STPG2: variants seen among roughly 807,000 people sequenced by gnomAD.
The protein encoded by STPG2 is sperm-tail PG-rich repeat-containing protein 2.
Under a neutral mutation model 54.2 loss-of-function variants are expected in STPG2, and 56 were observed. That is an observed-to-expected ratio of 1.03 (90% CI 0.83 to 1.29). The LOEUF (loss-of-function observed/expected upper bound fraction) is 1.29, where lower values mean the gene tolerates loss of function less well. Ranked by LOEUF, STPG2 falls within the 50% of genes most tolerant of loss-of-function variation. The probability of loss-of-function intolerance (pLI) is 0.00; values close to 1 mark genes in which losing one functional copy is unlikely to be tolerated. For missense variants in STPG2, 596 were observed against 544.9 expected, an observed-to-expected ratio of 1.09 and a Z score of -0.93; for synonymous variants, 200 against 181.8, an observed-to-expected ratio of 1.10 and a Z score of -0.81.
chr4:97,811,509 A>C (rs1230938968), intron 9 of STPG2, among the ~76,000 whole-genome samples: 1 of 151,784 alleles, frequency 6.6e-6, no homozygotes, highest in Admixed American at 6.6e-5. Context: ...CATTTCTAAA[A>C]AATACAGTAT....
chr4:98,053,539 A>T (rs35160902), intron 5 of STPG2, among the ~76,000 whole-genome samples: 59,522 of 151,576 alleles, frequency 0.39, 11,841 homozygotes, highest in Middle Eastern at 0.46. Context: ...CAAATAACAA[A>T]AAAAAAATCT....
intron 9 of STPG2, among the ~76,000 whole-genome samples, chr4:97,713,082 A>C (rs1221137165): frequency 6.6e-6 from 1 of 152,218 alleles, no homozygotes; most frequent in African/African-American, 2.4e-5. Context: ...ATATACTTTT[A>C]TATCATGAAT....
At chr4:97,721,636 C>T (rs567295559) in intron 9 of STPG2, among the ~76,000 whole-genome samples, 35 of 151,732 alleles carry the variant, frequency 2.3e-4, no homozygotes, top group African/African-American at 8.0e-4. Flanking sequence ...ATATGATGAC[C>T]GAAAGCTTAG....
At chr4:97,739,084 G>C (rs1725126060) in intron 9 of STPG2, among the ~76,000 whole-genome samples, 1 of 151,988 alleles carries the variant, frequency 6.6e-6, no homozygotes, top group Non-Finnish European at 1.5e-5. Flanking sequence ...CAACTACATG[G>C]AAACTGAACA....
intron 4 of STPG2, among the ~76,000 whole-genome samples, chr4:97,450,571 G>A (rs893308213): frequency 1.3e-5 from 2 of 152,144 alleles, no homozygotes; most frequent in Non-Finnish European, 2.9e-5. Flanking sequence ...ATCAGGCAAC[G>A]GTGGGGAATA....
chr4:97,667,079 G>T (rs180675347), intron 10 of STPG2, among the ~76,000 whole-genome samples: 2 of 152,164 alleles, frequency 1.3e-5, no homozygotes, highest in Non-Finnish European at 2.9e-5. Context: ...CACTTTGGTG[G>T]TGGTAGTTGT....
At chr4:98,106,623 C>G (rs1207711291) in intron 4 of STPG2, among the ~76,000 whole-genome samples, 1 of 152,128 alleles carries the variant, frequency 6.6e-6, no homozygotes, top group East Asian at 1.9e-4. Flanking sequence ...CCTACTGCTA[C>G]CTATTGGTTA....
intron 5 of STPG2, among the ~76,000 whole-genome samples, chr4:98,032,221 C>T (rs1193069933): frequency 1.3e-5 from 2 of 152,040 alleles, no homozygotes; most frequent in East Asian, 1.9e-4. Flanking sequence ...TTGGTATCTA[C>T]CCAGAGGAAA....
At chr4:97,580,817 T>G (rs1332311975) in intron 10 of STPG2, among the ~76,000 whole-genome samples, 1 of 152,058 alleles carries the variant, frequency 6.6e-6, no homozygotes, top group African/African-American at 2.4e-5. Context: ...ATGAAGAGTC[T>G]GATTCATTAT....
At chr4:97,578,601 T>C (rs1732783320) in intron 10 of STPG2, among the ~76,000 whole-genome samples, 1 of 151,902 alleles carries the variant, frequency 6.6e-6, no homozygotes, top group African/African-American at 2.4e-5. Flanking sequence ...CCCACACTTT[T>C]TTTTTTTTTT....
intron 9 of STPG2, among the ~76,000 whole-genome samples, chr4:97,795,547 A>G (rs549645112): frequency 6.6e-6 from 1 of 152,326 alleles, no homozygotes; most frequent in South Asian, 2.1e-4. Flanking sequence ...ATGGCAGCAT[A>G]GTATTCCATG....
intron 4 of STPG2, among the ~76,000 whole-genome samples, chr4:97,536,543 T>C (rs190844579): frequency 1.3e-4 from 20 of 152,316 alleles, no homozygotes; most frequent in African/African-American, 4.8e-4. Context: ...ACCTATTTCC[T>C]TTATGAATTA....
At position 97,585,441 on chromosome 4, in the gene STPG2, A is replaced by G. The variant is rs1449408670; in HGVS notation, c.1321-26324T>C. ...CATTAGCAAGAAAAATCTAACCACAACAAGAAGCCCAACACAGAAGCCTCT... is the reference window on the plus strand; with the variant it reads ...CATTAGCAAGAAAAATCTAACCACAGCAAGAAGCCCAACACAGAAGCCTCT... On this transcript the variant is annotated intron_variant, in intron 10 of 10. Transcript: ENST00000295268. Among the ~76,000 whole-genome samples the G allele has an allele frequency of 2.0e-5, 3 of 151,874 alleles. No individual in the cohort carries two copies. In the East Asian group the frequency reaches 5.8e-4, roughly 29 times the overall value.
Position 97,868,844 on chromosome 4 carries a change from GATAA to G in STPG2, c.1045-27916_1045-27913del, listed in dbSNP as rs910819719. 3.6e-4 allele frequency among the ~76,000 whole-genome samples: 55 copies of G among 151,878 alleles called. 1 individual carries two copies. The highest frequency in any genetic ancestry group is 1.3e-3 in the African/African-American group (53 of 41,458). On this transcript the variant is annotated intron_variant, in intron 8 of 10. Transcript: ENST00000295268. The stretch of plus-strand genomic sequence containing the variant: ...TTTTTAATTGCCTTTTTTGTTGCCT[GATAA>G]ATATTCTCAATTTCTTTTAAAAGGT...
intron 4 of STPG2, among the ~76,000 whole-genome samples, chr4:97,550,360 G>A (rs1731937205): frequency 6.6e-6 from 1 of 151,770 alleles, no homozygotes; most frequent in Non-Finnish European, 1.5e-5. Context: ...ACAAATAAGT[G>A]AAGAAAAGAA....
intron 10 of STPG2, among the ~76,000 whole-genome samples, chr4:97,682,175 C>T (rs1723058459): frequency 6.6e-6 from 1 of 151,584 alleles, no homozygotes; most frequent in Non-Finnish European, 1.5e-5. Context: ...CTCTACTAGG[C>T]ATACAAAAGA....
At chr4:98,109,092 T>G (rs1418456092) in intron 4 of STPG2, 101 bp downstream of exon 4, 4 of 603,584 alleles carry the variant, frequency 6.6e-6, no homozygotes, top group Non-Finnish European at 8.1e-6. Context: ...GAGTTTTTCA[T>G]ACTAATTTTT....
At chr4:97,690,610 A>G (rs1723334135) in intron 10 of STPG2, among the ~76,000 whole-genome samples, 1 of 152,178 alleles carries the variant, frequency 6.6e-6, no homozygotes, top group African/African-American at 2.4e-5. Context: ...TAACATATTT[A>G]GCAAACAACT....
intron 10 of STPG2, among the ~76,000 whole-genome samples, chr4:97,605,932 C>A (rs1733581566): frequency 6.6e-6 from 1 of 151,684 alleles, no homozygotes; most frequent in Non-Finnish European, 1.5e-5. Context: ...AAAGCCATGG[C>A]AATTTAATTG....
Sources: gnomAD v4.1 joint callset for allele counts (sites outside exome capture counted in the v4.1 genomes callset) on GRCh38, gnomAD v4.1.1 for gene constraint, MANE v1.5 for transcripts, NCBI Gene and HGNC (gene_info 2026-07-23, HGNC 2026-07-21) for gene names.